Variants in SLCO4A1 observed in about 807,000 individuals in gnomAD.
SLCO4A1 encodes the protein solute carrier organic anion transporter family member 4A1, also known as colon organic anion transporter.
SLCO4A1 carries 51 observed loss-of-function variants against 64.6 expected under a neutral mutation model. The ratio of observed to expected loss-of-function variants is 0.79; its 90% CI spans 0.63 to 1.00. The LOEUF (loss-of-function observed/expected upper bound fraction) is 1.00. SLCO4A1 is among the 50% of genes least tolerant of loss of function. The pLI is 0.00. For missense variants in SLCO4A1, 919 were observed against 980.5 expected (o/e 0.94, Z 0.84); for synonymous variants, 471 against 444.9 (o/e 1.06, Z -0.74).
chr20:62,667,532 G>T, intron 7 of SLCO4A1: 1 of 595,082 alleles, frequency 1.7e-6, no homozygotes, highest in Non-Finnish European at 3.0e-6. Flanking sequence ...GCATGGGTGT[G>T]CCTTCCTTGC....
intron 2 of SLCO4A1, among the ~76,000 whole-genome samples, chr20:62,677,362 T>G (rs778328205): frequency 6.6e-6 from 1 of 152,262 alleles, no homozygotes; most frequent in Non-Finnish European, 1.5e-5. Context: ...TGCCCTGTGC[T>G]TTCACTCCTG....
At chr20:62,643,363 T>A (rs926898142) in intron 1 of SLCO4A1, 2 of 182,608 alleles carry the variant, frequency 1.1e-5, no homozygotes, top group African/African-American at 4.8e-5. Flanking sequence ...GAAGCAGATC[T>A]GACTTCCACT....
At chr20:62,687,057 G>A (rs1403116754), downstream of SLCO4A1, among the ~76,000 whole-genome samples, 23 of 148,256 alleles carry the variant, frequency 1.6e-4, no homozygotes, top group African/African-American at 5.3e-4. Flanking sequence ...CAATGGGAAA[G>A]GGCACCCCCA....
At chr20:62,654,593 C>T (rs1415755366) in intron 1 of SLCO4A1, among the ~76,000 whole-genome samples, 1 of 152,212 alleles carries the variant, frequency 6.6e-6, no homozygotes, top group African/African-American at 2.4e-5. Flanking sequence ...TCTGCAGAGC[C>T]CTGAGCATGG....
chr20:62,668,604 G>A, intron 10 of SLCO4A1, 63 bp downstream of exon 10: 1 of 1,444,786 alleles, frequency 6.9e-7, no homozygotes, highest in South Asian at 1.1e-5. Context: ...CAAGGGCATG[G>A]GCAAGTGTCT....
intron 11 of SLCO4A1, among the ~76,000 whole-genome samples, chr20:62,669,432 C>T (rs1032872310): frequency 2.0e-5 from 3 of 152,232 alleles, no homozygotes; most frequent in Admixed American, 6.5e-5. Flanking sequence ...GAAGTGGCTG[C>T]TCCTGTTAGA....
intron 11 of SLCO4A1, 45 bp from the exon 12 acceptor site, chr20:62,671,705 C>G: frequency 6.3e-7 from 1 of 1,584,236 alleles, no homozygotes; most frequent in Non-Finnish European, 8.6e-7. Context: ...TCCAAAGGCT[C>G]TGGCCGAGCT....
At chr20:62,681,523 CGT>C (rs1569156446) in intron 2 of SLCO4A1, among the ~76,000 whole-genome samples, 1 of 88,378 alleles carries the variant, frequency 1.1e-5, no homozygotes, top group Non-Finnish European at 2.2e-5. Context: ...TTTATTAAGC[CGT>C]GTGTACACAC....
chr20:62,643,141 C>T (rs1406226662), intron 1 of SLCO4A1: 2 of 421,858 alleles, frequency 4.7e-6, no homozygotes, highest in Non-Finnish European at 5.0e-6. Context: ...GGGCGGAGCG[C>T]ACAGGGCTAG....
In SLCO4A1 at chr20:62,656,676, G is replaced by A. The variant is rs942190102; in HGVS notation, c.222G>A (p.Glu74=). The A allele has an allele frequency of 1.2e-6, 2 of 1,607,784 alleles. No homozygotes were observed. The highest frequency in any genetic ancestry group is 1.7e-6 in the Non-Finnish European group (2 of 1,177,690). Residue 74 remains glutamate, a synonymous_variant, in exon 2 of 12, where the codon GAG becomes GAA. Coordinates refer to ENST00000217159, the MANE Select transcript of SLCO4A1 (RefSeq NM_016354.4). ...AEKHGARGTH[E]VRYVSAGQSV... ...AGCATGGCGCCCGGGGGACCCATGAGGTGCGGTACGTCTCGGCCGGGCAGA... is the reference window on the plus strand; with the variant it reads ...AGCATGGCGCCCGGGGGACCCATGAAGTGCGGTACGTCTCGGCCGGGCAGA...
rs1270862227 is a variant in SLCO4A1, at chr20:62,685,377, C to T, written n.212-64C>T. ...GTGGGGCAACTGCACCCGCTCCCTT[C>T]CACTCTGCTGTGGCCTGACCAAGCG... On this transcript the variant is annotated intron_variant and non_coding_transcript_variant, in intron 2 of 2. Transcript: ENST00000466818. This position sits in a 1 kb window ranked among gnomAD's most constrained non-coding sequence, Gnocchi z 4.6. The T allele has an allele frequency of 5.6e-6, 5 of 898,564 alleles. No individual in the cohort carries two copies. The African/African-American group carries it at 9.0e-5, about 16-fold the overall frequency. The allele number at this position is 898,564 out of a possible 1,614,324, so 55.7% of individuals were successfully genotyped here. A position where few individuals can be genotyped will look rare whatever the true frequency, so the allele number is the denominator to read the frequency against.
chr20:62,667,982 T>G, intron 8 of SLCO4A1, 30 bp from the exon 9 acceptor site: 1 of 1,613,996 alleles, frequency 6.2e-7, no homozygotes. Context: ...GCCTTCCCCT[T>G]GTAATCGGAG....
At chr20:62,665,177 C>T (rs768863478) in intron 6 of SLCO4A1, 89 bp downstream of exon 6, 55 of 1,449,298 alleles carry the variant, frequency 3.8e-5, no homozygotes, top group Non-Finnish European at 4.6e-5. Flanking sequence ...AAGACCCAGA[C>T]AGGGCACATG....
At chr20:62,680,131 C>T (rs2427375) in intron 2 of SLCO4A1, among the ~76,000 whole-genome samples, 265 of 152,270 alleles carry the variant, frequency 1.7e-3, no homozygotes, top group Non-Finnish European at 3.3e-3. Context: ...TCGAGTTCAA[C>T]GTTCGTAGAA....
Position 62,661,166 on chromosome 20 carries a change from A to G in SLCO4A1, c.1112A>G (p.Asp371Gly). ...SNPDFGKTIR[D>G]LPLSIWLLLK... ...CCGGACTTTGGGAAAACCATCAGAG[A>G]CCTGCCTCTGTAAGGACCGGAGTCG... Residue 371 changes from aspartate (D) to glycine (G), a missense_variant, in exon 5 of 12, where the codon GAC (aspartate) becomes GGC (glycine). Asp to Gly is a moderately conservative substitution (Grantham distance 94). Coordinates refer to ENST00000217159, the MANE Select transcript of SLCO4A1 (RefSeq NM_016354.4). The surrounding 1 kb of genome is among the most constrained non-coding windows in gnomAD (Gnocchi z 5.2). The G allele has an allele frequency of 6.2e-7, 1 of 1,609,930 alleles. No individual in the cohort carries two copies. The highest frequency in any genetic ancestry group is 8.5e-7 in the Non-Finnish European group (1 of 1,177,698).
chr20:62,648,262 A>AG (rs1981763602), intron 1 of SLCO4A1, among the ~76,000 whole-genome samples: 1 of 152,142 alleles, frequency 6.6e-6, no homozygotes, highest in Non-Finnish European at 1.5e-5. Flanking sequence ...GATGCACCGG[A>AG]GGGGCGGGGT....
At position 62,656,619 on chromosome 20, in the gene SLCO4A1, C is replaced by T; in HGVS notation, c.165C>T (p.Ser55=). 1 of 1,600,598 alleles carries T rather than the reference C, an allele frequency of 6.2e-7. No individual in the cohort carries two copies. The highest frequency in any genetic ancestry group is 8.5e-7 in the Non-Finnish European group (1 of 1,175,138). ...CTGCCCATAGCCCCCTGGACACCAG[C>T]AAGCAGCCCCTCTGCCAGCTCTGGG... ...RSAAHSPLDT[S]KQPLCQLWAE... The change falls in exon 2 of 12, where the codon AGC becomes AGT. Residue 55 remains serine, a synonymous_variant. Coordinates refer to ENST00000217159, the MANE Select transcript of SLCO4A1 (RefSeq NM_016354.4).
intron 1 of SLCO4A1, among the ~76,000 whole-genome samples, chr20:62,648,489 C>T (rs1259300265): frequency 1.3e-5 from 2 of 152,152 alleles, no homozygotes; most frequent in East Asian, 1.9e-4. Context: ...TCCAGGGGCT[C>T]CTTCCCACCT....
chr20:62,673,434 G>C (rs1401845500), downstream of SLCO4A1, among the ~76,000 whole-genome samples: 1 of 143,452 alleles, frequency 7.0e-6, no homozygotes. Flanking sequence ...TGAGGCTCGG[G>C]CATGCTGGGC....
Sources: gnomAD v4.1 joint callset for allele counts (sites outside exome capture counted in the v4.1 genomes callset) on GRCh38, gnomAD v4.1.1 for gene constraint, Gnocchi (gnomAD v3.1) non-coding constraint, MANE v1.5 for transcripts, NCBI Gene and HGNC (gene_info 2026-07-23, HGNC 2026-07-21) for gene names.